Variants in MGAT4A observed in about 807,000 individuals in gnomAD.
MGAT4A encodes the protein N-acetylglucosaminyltransferase IVa.
Under a neutral mutation model 74.1 loss-of-function variants are expected in MGAT4A, and 33 were observed. The observed-to-expected ratio is 0.45, with a 90% CI of 0.34 to 0.60. The LOEUF (loss-of-function observed/expected upper bound fraction) is 0.60. MGAT4A is among the 20% of genes least tolerant of loss of function. The pLI, the probability that MGAT4A is intolerant of heterozygous loss-of-function variation, is 0.02. For missense variants in MGAT4A, 479 were observed against 628.3 expected (o/e 0.76, Z 2.54); for synonymous variants, 198 against 210.4 (o/e 0.94, Z 0.51).
At chr2:98,660,042 T>C (rs1211625228) in intron 5 of MGAT4A, among the ~76,000 whole-genome samples, 2 of 40,812 alleles carry the variant, frequency 4.9e-5, no homozygotes, top group Admixed American at 2.4e-4. Context: ...TAACAGGCTT[T>C]CTGGAAAACA....
At chr2:98,663,478 C>G in intron 4 of MGAT4A, 1 of 1,420,810 alleles carries the variant, frequency 7.0e-7, no homozygotes, top group South Asian at 1.6e-5. Context: ...ACAACTAAAA[C>G]TTAAAAACAC....
intron 8 of MGAT4A, among the ~76,000 whole-genome samples, chr2:98,648,265 G>T (rs1227882319): frequency 1.3e-5 from 2 of 152,200 alleles, no homozygotes; most frequent in Non-Finnish European, 1.5e-5. Context: ...TTGTGAGGCT[G>T]AGACAGGTGG....
chr2:98,619,202 G>GA lies in MGAT4A; in HGVS notation c.*6363dup, dbSNP rs1233124777. On this transcript the variant is annotated 3_prime_UTR_variant, in exon 16 of 16. Coordinates refer to ENST00000393487, the MANE Select transcript of MGAT4A (RefSeq NM_012214.3). ...TACACATGAACGGTCGTGGCACAGA[G>GA]AAACAGTGATGAAGGCACAATCAAC... is the stretch of plus-strand genomic sequence containing the variant. 6.6e-6 allele frequency: 1 copy of GA among 152,480 alleles called. No homozygotes were observed. Among genetic ancestry groups the GA allele is most frequent in the Non-Finnish European group, 1.5e-5 (1 of 68,014 alleles). 9.4% of individuals were successfully genotyped at this position (152,480 alleles called of 1,614,324 possible).
At chr2:98,683,729 G>A (rs1702093873) in intron 2 of MGAT4A, among the ~76,000 whole-genome samples, 1 of 152,154 alleles carries the variant, frequency 6.6e-6, no homozygotes. Flanking sequence ...GCTTCAGCAA[G>A]TAGGAAGAAT....
chr2:98,663,436 G>A, intron 4 of MGAT4A: 1 of 1,485,866 alleles, frequency 6.7e-7, no homozygotes, highest in Non-Finnish European at 8.9e-7. Context: ...AAAAATGAAT[G>A]GCTGCGAAGT....
chr2:98,730,348 G>A (rs1464939502), intron 1 of MGAT4A: 1 of 152,236 alleles, frequency 6.6e-6, no homozygotes, highest in East Asian at 1.9e-4. Context: ...ACACTTGGTG[G>A]AGTCACCGAG....
chr2:98,664,034 C>T (rs1356086280), intron 4 of MGAT4A, among the ~76,000 whole-genome samples: 1 of 151,786 alleles, frequency 6.6e-6, no homozygotes, highest in Non-Finnish European at 1.5e-5. Context: ...TGGCGAAACC[C>T]GGTCTCTACT....
chr2:98,669,837 G>C (rs1195599783), intron 4 of MGAT4A, among the ~76,000 whole-genome samples: 1 of 152,190 alleles, frequency 6.6e-6, no homozygotes, highest in African/African-American at 2.4e-5. Context: ...ATCAGCATGT[G>C]TAATCTGTGG....
intron 2 of MGAT4A, among the ~76,000 whole-genome samples, chr2:98,706,897 A>G (rs1410923449): frequency 1.3e-5 from 2 of 151,926 alleles, no homozygotes; most frequent in African/African-American, 4.8e-5. Context: ...AAAATGAAAA[A>G]AAAAAAAAAA....
intron 2 of MGAT4A, among the ~76,000 whole-genome samples, chr2:98,681,940 G>C (rs1311665646): frequency 1.3e-5 from 2 of 152,144 alleles, no homozygotes; most frequent in Non-Finnish European, 2.9e-5. Context: ...GCCCCCACTA[G>C]CCAAATGGGG....
At position 98,624,983 on chromosome 2, in the gene MGAT4A, T is replaced by C; in HGVS notation, c.*583A>G. The C allele has an allele frequency of 4.1e-6, 4 of 985,338 alleles. No homozygotes were observed. The highest frequency in any genetic ancestry group is 4.8e-6 in the Non-Finnish European group (4 of 829,484). The allele number at this position is 985,338 out of a possible 1,614,324, so 61.0% of individuals were successfully genotyped here. ...TGGCAGTGCATTTGAAAAATGGCAT[T>C]GGTTTGTAATGTTTGCATTTCCAAA... On this transcript the variant is annotated 3_prime_UTR_variant, in exon 16 of 16. Transcript: ENST00000393487.
rs138823235 is a variant in MGAT4A, at chr2:98,720,828, C to T, written c.94+5411G>A. ...TGGAACACCAATAAGCACACCACCA[C>T]ATGTGTAATGGGAATACCAGAAGGA... On this transcript the variant is annotated intron_variant, in intron 2 of 15. Coordinates refer to ENST00000393487, the MANE Select transcript of MGAT4A (RefSeq NM_012214.3). 2.1e-3 allele frequency among the ~76,000 whole-genome samples: 319 copies of T among 152,150 alleles called. 2 individuals carry two copies. The highest frequency in any genetic ancestry group is 7.4e-3 in the African/African-American group (309 of 41,496).
chr2:98,722,678 G>A (rs1243140900), intron 2 of MGAT4A, among the ~76,000 whole-genome samples: 1 of 152,150 alleles, frequency 6.6e-6, no homozygotes, highest in Non-Finnish European at 1.5e-5. Flanking sequence ...CACTTTAAAT[G>A]GATGAATTGT....
Position 98,667,789 on chromosome 2 carries a change from G to A in MGAT4A, c.404-4610C>T, listed in dbSNP as rs142426279. On this transcript the variant is annotated intron_variant, in intron 4 of 15. Transcript: ENST00000393487. ...GGCTGGAGTGCAATGGCATGATTTC[G>A]GCTCACTGGAACCTCCACCTCCCAG... Among the ~76,000 whole-genome samples, 438 of 151,840 alleles carry A rather than the reference G, an allele frequency of 2.9e-3. 7 individuals are homozygous for A. Among genetic ancestry groups the A allele is most frequent in the East Asian group, 0.017 (87 of 5,150 alleles).
chr2:98,635,177 G>A (rs892223618), intron 14 of MGAT4A, 45 bp downstream of exon 14: 2 of 1,417,484 alleles, frequency 1.4e-6, no homozygotes, highest in South Asian at 2.4e-5. Flanking sequence ...TACTTTAGGA[G>A]TAAGTCCAGA....
At position 98,627,187 on chromosome 2, in the gene MGAT4A, T is replaced by C. The variant is rs116380276; in HGVS notation, c.1469-1352A>G. Among the ~76,000 whole-genome samples the C allele has an allele frequency of 2.3e-3, 357 of 152,308 alleles. 2 individuals are homozygous for C. The highest frequency in any genetic ancestry group is 3.5e-3 in the Non-Finnish European group (239 of 68,018). On this transcript the variant is annotated intron_variant, in intron 14 of 15. Transcript: ENST00000393487. ...CGTAAACTTGTGTGGGATGGAGATC[T>C]TGCTTCCTGTTTTAACTTTTGAAAG...
In MGAT4A at chr2:98,711,214, T is replaced by C. The variant is rs1702513705; in HGVS notation, c.94+15025A>G. 2.0e-5 allele frequency among the ~76,000 whole-genome samples: 3 copies of C among 146,442 alleles called. No individual in the cohort carries two copies. In the South Asian group the frequency reaches 6.4e-4, roughly 31 times the overall value. ...AGCCTGGGCAAAACTAAAATCTATA[T>C]GATAAATTTGAGCTCAAAAGGCCTC... On this transcript the variant is annotated intron_variant, in intron 2 of 15. Transcript: ENST00000393487.
intron 2 of MGAT4A, among the ~76,000 whole-genome samples, chr2:98,689,116 T>C (rs560370173): frequency 5.2e-4 from 79 of 152,226 alleles, no homozygotes; most frequent in Admixed American, 1.3e-3. Flanking sequence ...TATCATCTTT[T>C]AGTTTTCTTA....
intron 8 of MGAT4A, among the ~76,000 whole-genome samples, chr2:98,653,824 A>G (rs184372528): frequency 1.3e-5 from 2 of 152,212 alleles, no homozygotes; most frequent in African/African-American, 4.8e-5. Flanking sequence ...AACACATTCT[A>G]GGAGGCCTGC....
Sources: gnomAD v4.1 joint callset for allele counts (sites outside exome capture counted in the v4.1 genomes callset) on GRCh38, gnomAD v4.1.1 for gene constraint, MANE v1.5 for transcripts, NCBI Gene and HGNC (gene_info 2026-07-23, HGNC 2026-07-21) for gene names.